The following GUCY1A2 variants were observed in gnomAD, a reference collection of about 807,000 sequenced individuals.
GUCY1A2 encodes the protein guanylate cyclase soluble subunit alpha-2.
In GUCY1A2, 27 loss-of-function variants were observed where a neutral mutation model predicts 63.5. That is an observed-to-expected ratio of 0.43 (90% CI 0.31 to 0.59). The LOEUF is 0.59. GUCY1A2 is among the 20% of genes least tolerant of loss of function. The pLI, the probability that GUCY1A2 is intolerant of heterozygous loss-of-function variation, is 0.11. For synonymous variants in GUCY1A2, 364 were observed against 343.5 expected (o/e 1.06, Z -0.66); for missense variants, 768 against 913.3 (o/e 0.84, Z 2.05).
At chr11:106,856,113 T>TTC (rs974232814) in intron 4 of GUCY1A2, among the ~76,000 whole-genome samples, 2 of 150,900 alleles carry the variant, frequency 1.3e-5, no homozygotes, top group Non-Finnish European at 3.0e-5. Context: ...GTATTTTTTT[T>TTC]TTGGAGACAG....
chr11:106,759,062 T>A (rs1864020919), intron 6 of GUCY1A2, among the ~76,000 whole-genome samples: 1 of 151,968 alleles, frequency 6.6e-6, no homozygotes, highest in African/African-American at 2.4e-5. Flanking sequence ...GCTCACTACC[T>A]AGATGATGGG....
At chr11:106,918,198 T>G (rs2119890364) in intron 4 of GUCY1A2, among the ~76,000 whole-genome samples, 1 of 144,580 alleles carries the variant, frequency 6.9e-6, no homozygotes, top group South Asian at 2.5e-4. Context: ...GGACTATCTG[T>G]TATGATGGAG....
Position 106,687,012 on chromosome 11 carries a change from T to A in GUCY1A2, c.*537A>T. On this transcript the variant is annotated 3_prime_UTR_variant, in exon 8 of 8. Coordinates refer to ENST00000526355, the MANE Select transcript of GUCY1A2 (RefSeq NM_000855.3). Reference sequence around the variant, plus strand: ...GAAATGTAGTTATCTAGAAGAGATATGTATAAAAATAGGTAATATCCCTAA... The same window carrying A: ...GAAATGTAGTTATCTAGAAGAGATAAGTATAAAAATAGGTAATATCCCTAA... The A allele has an allele frequency of 4.7e-6, 1 of 210,810 alleles. No homozygotes were observed. Among genetic ancestry groups the A allele is most frequent in the Non-Finnish European group, 9.6e-6 (1 of 103,812 alleles). 13.1% of individuals were successfully genotyped at this position (210,810 alleles called of 1,614,324 possible).
At chr11:106,815,554 G>A (rs975007118) in intron 4 of GUCY1A2, among the ~76,000 whole-genome samples, 24 of 150,232 alleles carry the variant, frequency 1.6e-4, no homozygotes, top group African/African-American at 5.7e-4. Context: ...TCTTTAAACA[G>A]AAAGAAAAAG....
chr11:106,913,366 G>T (rs1447749009), intron 4 of GUCY1A2, among the ~76,000 whole-genome samples: 1 of 152,120 alleles, frequency 6.6e-6, no homozygotes, highest in African/African-American at 2.4e-5. Context: ...GTGGAAAGGA[G>T]AACTGCCATG....
chr11:106,966,461 T>C (rs2120080030), intron 3 of GUCY1A2, among the ~76,000 whole-genome samples: 1 of 152,328 alleles, frequency 6.6e-6, no homozygotes. Flanking sequence ...TTCGTATTTG[T>C]TACTTGTCTG....
At chr11:106,800,965 T>A (rs1273234185) in intron 5 of GUCY1A2, among the ~76,000 whole-genome samples, 2 of 152,054 alleles carry the variant, frequency 1.3e-5, no homozygotes, top group East Asian at 3.9e-4. Context: ...TTGTGGCATA[T>A]CACTCCTGTG....
chr11:106,972,852 GA>G (rs758489735), intron 3 of GUCY1A2, among the ~76,000 whole-genome samples: 11 of 152,066 alleles, frequency 7.2e-5, no homozygotes, highest in African/African-American at 2.4e-4. Context: ...AGCTCTCTGT[GA>G]AAGACATGGA....
At position 106,680,625 on chromosome 11, in the gene GUCY1A2, A is replaced by G. The variant is rs117467235; in HGVS notation, c.*6924T>C. 6.3e-3 allele frequency: 1,245 copies of G among 198,248 alleles called. 13 individuals are homozygous for G. The highest frequency in any genetic ancestry group is 0.011 in the Non-Finnish European group (1,039 of 95,814). 12.3% of individuals were successfully genotyped at this position (198,248 alleles called of 1,614,324 possible). A position where few individuals can be genotyped will look rare whatever the true frequency, so the allele number is the denominator to read the frequency against. The stretch of plus-strand genomic sequence containing the variant: ...ATTTATTTAACCCAAAACCATTCTT[A>G]CTAAGGATTTAAGGATCCAGTGATA... On this transcript the variant is annotated 3_prime_UTR_variant, in exon 8 of 8. Coordinates refer to ENST00000526355, the MANE Select transcript of GUCY1A2 (RefSeq NM_000855.3).
intron 4 of GUCY1A2, among the ~76,000 whole-genome samples, chr11:106,858,025 AG>A (rs1480340016): frequency 1.3e-5 from 2 of 152,208 alleles, no homozygotes; most frequent in Non-Finnish European, 2.9e-5. Flanking sequence ...AACCCAAGAT[AG>A]GCCTCTCAGC....
At chr11:106,980,976 T>C (rs1478396122) in intron 2 of GUCY1A2, among the ~76,000 whole-genome samples, 2 of 152,170 alleles carry the variant, frequency 1.3e-5, no homozygotes, top group Non-Finnish European at 2.9e-5. Flanking sequence ...ATCTGTAAAA[T>C]GTGCTTAATA....
At chr11:106,954,008 T>C (rs368741496) in intron 3 of GUCY1A2, among the ~76,000 whole-genome samples, 1 of 152,124 alleles carries the variant, frequency 6.6e-6, no homozygotes, top group Non-Finnish European at 1.5e-5. Context: ...CATGTCTCTA[T>C]CTCCTTCAAT....
intron 1 of GUCY1A2, among the ~76,000 whole-genome samples, chr11:107,014,093 T>C (rs2120218932): frequency 7.3e-6 from 1 of 137,310 alleles, no homozygotes; most frequent in African/African-American, 2.7e-5. Context: ...TTTTTTTTTT[T>C]TTTTTTTTTT....
intron 4 of GUCY1A2, among the ~76,000 whole-genome samples, chr11:106,859,975 T>TCTA (rs1330830912): frequency 6.6e-6 from 1 of 151,998 alleles, no homozygotes; most frequent in East Asian, 1.9e-4. Context: ...TGTTAAGTAA[T>TCTA]GCATGACTGT....
intron 3 of GUCY1A2, among the ~76,000 whole-genome samples, chr11:106,961,949 T>C (rs1407014747): frequency 2.6e-5 from 4 of 152,226 alleles, no homozygotes; most frequent in Non-Finnish European, 5.9e-5. Flanking sequence ...TCAATTCTGC[T>C]GTCTGTAGAG....
At chr11:106,725,321 C>T (rs1434419392) in intron 6 of GUCY1A2, among the ~76,000 whole-genome samples, 1 of 95,248 alleles carries the variant, frequency 1.0e-5, no homozygotes, top group Admixed American at 1.1e-4. Flanking sequence ...TACAGGCGCC[C>T]GCCACTACGC....
chr11:106,709,925 G>T (rs377565319), intron 6 of GUCY1A2, among the ~76,000 whole-genome samples: 6 of 8,298 alleles, frequency 7.2e-4, no homozygotes, highest in African/African-American at 1.6e-3. Flanking sequence ...ATAACATATA[G>T]TTATATATTA....
intron 1 of GUCY1A2, among the ~76,000 whole-genome samples, chr11:106,999,850 C>T (rs1424693362): frequency 6.6e-6 from 1 of 152,100 alleles, no homozygotes; most frequent in African/African-American, 2.4e-5. Flanking sequence ...GTGTTTGAGA[C>T]CTAGATTATC....
At chr11:106,939,163 T>C (rs1416936377) in intron 4 of GUCY1A2, among the ~76,000 whole-genome samples, 1 of 152,236 alleles carries the variant, frequency 6.6e-6, no homozygotes, top group African/African-American at 2.4e-5. Context: ...GAAATATTCA[T>C]GTGTTTATAT....
Sources: allele counts gnomAD v4.1 joint callset (sites outside exome capture counted in the v4.1 genomes callset), GRCh38; gene constraint gnomAD v4.1.1; transcripts MANE v1.5; gene names NCBI Gene and HGNC (gene_info 2026-07-23, HGNC 2026-07-21).